Variants in CDH12 observed in about 807,000 individuals in gnomAD.
CDH12 encodes cadherin 12, also known as cadherin-12.
Under a neutral mutation model 74.1 loss-of-function variants are expected in CDH12, and 41 were observed. The observed-to-expected ratio is 0.55, with a 90% CI of 0.43 to 0.72. The LOEUF is 0.72. CDH12 is among the 30% of genes least tolerant of loss of function. The pLI is 0.00. For synonymous variants in CDH12, 399 were observed against 355.0 expected, an observed-to-expected ratio of 1.12 and a Z score of -1.39; for missense variants, 945 against 977.2, an observed-to-expected ratio of 0.97 and a Z score of 0.44.
chr5:22,306,937 TTTTA>T (rs1738140745), intron 3 of CDH12, among the ~76,000 whole-genome samples: 2 of 152,220 alleles, frequency 1.3e-5, no homozygotes, highest in South Asian at 4.1e-4. Flanking sequence ...TCTGTGAGTG[TTTTA>T]TTAAGCTGCT....
intron 1 of CDH12, among the ~76,000 whole-genome samples, chr5:22,793,111 A>C (rs531103026): frequency 1.3e-5 from 2 of 152,254 alleles, no homozygotes; most frequent in South Asian, 2.1e-4. Flanking sequence ...TGATCCCATT[A>C]GTTTGGTTGG....
At chr5:22,833,674 C>T (rs935668005) in intron 1 of CDH12, among the ~76,000 whole-genome samples, 4 of 152,142 alleles carry the variant, frequency 2.6e-5, no homozygotes, top group African/African-American at 9.7e-5. Context: ...GAAAAGCTCT[C>T]TGTCGGAATA....
Position 22,493,715 on chromosome 5 carries a change from G to A in CDH12, c.-428+11555C>T, listed in dbSNP as rs193037495. On this transcript the variant is annotated intron_variant, in intron 2 of 14. Coordinates refer to ENST00000382254, the MANE Select transcript of CDH12 (RefSeq NM_004061.5). ...TAAGATGGAAAAGTTTATGGATACC[G>A]TGAGATGGGAGGAAAGGCTGGGTAC... Among the ~76,000 whole-genome samples, 342 of 152,172 alleles carry A rather than the reference G, an allele frequency of 2.2e-3. 5 individuals are homozygous for A. The South Asian group carries it at 0.04, about 18-fold the overall frequency.
At chr5:22,372,395 C>T (rs1215612113) in intron 3 of CDH12, among the ~76,000 whole-genome samples, 2 of 152,064 alleles carry the variant, frequency 1.3e-5, no homozygotes, top group Non-Finnish European at 2.9e-5. Flanking sequence ...CCCCCGTGCT[C>T]CACATTCCTG....
intron 1 of CDH12, among the ~76,000 whole-genome samples, chr5:22,536,634 C>A (rs186616842): frequency 9.8e-5 from 15 of 152,288 alleles, no homozygotes; most frequent in Admixed American, 9.8e-4. Flanking sequence ...GCCTAAGATA[C>A]TCCATCTTTC....
intron 3 of CDH12, among the ~76,000 whole-genome samples, chr5:22,297,048 T>C (rs1160905867): frequency 1.3e-5 from 2 of 151,926 alleles, no homozygotes; most frequent in Admixed American, 1.3e-4. Context: ...TTGGACGGAG[T>C]TTTGCTCTTG....
At position 22,257,481 on chromosome 5, in the gene CDH12, T is replaced by TTTTATTTA. The variant is rs71609758; in HGVS notation, c.-332-44846_-332-44839dup. Among the ~76,000 whole-genome samples the TTTTATTTA allele has an allele frequency of 2.2e-3, 324 of 145,038 alleles. 5 individuals are homozygous for TTTTATTTA. The highest frequency in any genetic ancestry group is 1.6e-3 in the East Asian group (8 of 4,942). On this transcript the variant is annotated intron_variant, in intron 3 of 14. Transcript: ENST00000382254. ...TGAGGTTGCAATTTTTATTTTTTAT[T>TTTTATTTA]TTTATTTATTTATTTATTTATTTAT...
At chr5:22,826,021 T>C (rs909098376) in intron 1 of CDH12, among the ~76,000 whole-genome samples, 2 of 152,180 alleles carry the variant, frequency 1.3e-5, no homozygotes, top group African/African-American at 4.8e-5. Flanking sequence ...CTCATTTCCA[T>C]TGGCCAGTGT....
At chr5:22,240,623 T>A (rs1447461530) in intron 3 of CDH12, among the ~76,000 whole-genome samples, 2 of 152,130 alleles carry the variant, frequency 1.3e-5, no homozygotes, top group African/African-American at 4.8e-5. Flanking sequence ...AACCTCTGCC[T>A]CCCAGCTTCA....
chr5:22,690,019 G>C (rs139263585), intron 1 of CDH12, among the ~76,000 whole-genome samples: 1 of 152,098 alleles, frequency 6.6e-6, no homozygotes, highest in African/African-American at 2.4e-5. Flanking sequence ...GTTAGATTTA[G>C]ACGGCTATGA....
At chr5:22,705,499 GCACACA>G (rs5866587) in intron 1 of CDH12, among the ~76,000 whole-genome samples, 10 of 143,606 alleles carry the variant, frequency 7.0e-5, no homozygotes, top group Admixed American at 1.4e-4. Context: ...CAACACACAT[GCACACA>G]CACACACACA....
chr5:22,650,025 C>T (rs1053108653), intron 1 of CDH12, among the ~76,000 whole-genome samples: 2 of 151,880 alleles, frequency 1.3e-5, no homozygotes, highest in Non-Finnish European at 2.9e-5. Context: ...ACATAAATGT[C>T]TAAATTAAAT....
intron 4 of CDH12, among the ~76,000 whole-genome samples, chr5:22,084,513 T>C (rs368014166): frequency 3.3e-5 from 5 of 152,302 alleles, no homozygotes. Flanking sequence ...GGTCTTTTAT[T>C]TGTGGAGCTA....
At chr5:22,436,715 GA>G (rs531343709) in intron 2 of CDH12, among the ~76,000 whole-genome samples, 5 of 151,566 alleles carry the variant, frequency 3.3e-5, no homozygotes, top group Non-Finnish European at 5.9e-5. Flanking sequence ...AAACAATATA[GA>G]AAAAAAATAA....
chr5:22,555,495 C>T (rs1738761176), intron 1 of CDH12, among the ~76,000 whole-genome samples: 1 of 151,538 alleles, frequency 6.6e-6, no homozygotes, highest in South Asian at 2.1e-4. Context: ...TTTTGTTCTT[C>T]CAGAAGGACA....
intron 6 of CDH12, among the ~76,000 whole-genome samples, chr5:21,891,572 T>TACACACACAC (rs66657734): frequency 0.099 from 14,355 of 144,838 alleles, 770 homozygotes; most frequent in Middle Eastern, 0.12. Flanking sequence ...CACACACACA[T>TACACACACAC]ACACACACAC....
At chr5:22,174,551 A>G (rs1283318173) in intron 4 of CDH12, among the ~76,000 whole-genome samples, 3 of 151,980 alleles carry the variant, frequency 2.0e-5, no homozygotes, top group African/African-American at 7.2e-5. Flanking sequence ...CATGAATTGG[A>G]AAATATGTCC....
At chr5:22,742,105 G>C (rs1045211823) in intron 1 of CDH12, among the ~76,000 whole-genome samples, 1 of 151,716 alleles carries the variant, frequency 6.6e-6, no homozygotes, top group African/African-American at 2.4e-5. Flanking sequence ...TCACTTGAAC[G>C]TGGGAAGTGG....
At chr5:22,414,952 A>T (rs1027634824) in intron 2 of CDH12, among the ~76,000 whole-genome samples, 1 of 152,114 alleles carries the variant, frequency 6.6e-6, no homozygotes, top group Non-Finnish European at 1.5e-5. Context: ...TTAGTAACAA[A>T]TATATCCCTT....
Sources: gnomAD v4.1 joint callset for allele counts (sites outside exome capture counted in the v4.1 genomes callset) on GRCh38, gnomAD v4.1.1 for gene constraint, MANE v1.5 for transcripts, NCBI Gene and HGNC (gene_info 2026-07-23, HGNC 2026-07-21) for gene names.